HOXC5: variants seen among roughly 807,000 people sequenced by gnomAD.
HOXC5 encodes the protein homeobox C5.
HOXC5 carries 19 observed loss-of-function variants against 20.1 expected under a neutral mutation model. The observed-to-expected ratio is 0.94, with a 90% CI of 0.66 to 1.38. HOXC5 has a LOEUF of 1.38. Among genes scored for constraint, HOXC5 ranks in the 40% most tolerant of loss-of-function variants. The pLI, the probability that HOXC5 is intolerant of heterozygous loss-of-function variation, is 0.00. For synonymous variants in HOXC5, 124 were observed against 117.0 expected (o/e 1.06, Z -0.39); for missense variants, 330 against 300.1 (o/e 1.10, Z -0.74).
At chr12:54,024,668 C>A in the HOXC5 span, among the ~76,000 whole-genome samples, 3 of 152,146 alleles carry the variant, frequency 2.0e-5, no homozygotes, top group African/African-American at 4.8e-5. Context: ...CCAGTCCCAC[C>A]CACCCTTTCC....
chr12:54,035,313 T>C lies in HOXC5; in HGVS notation c.*821T>C, dbSNP rs1167006639. On this transcript the variant is annotated 3_prime_UTR_variant, in exon 2 of 2. Transcript: ENST00000312492. The stretch of plus-strand genomic sequence containing the variant: ...CAACTATTTATTGACTCTGGGTCCT[T>C]CCTGAAACTATATTTTGTCATATCA... The C allele has an allele frequency of 6.5e-6, 1 of 152,720 alleles. No individual in the cohort carries two copies. Among genetic ancestry groups the C allele is most frequent in the African/African-American group, 2.4e-5 (1 of 41,466 alleles). The allele number at this position is 152,720 out of a possible 1,614,324, so 9.5% of individuals were successfully genotyped here.
At chr12:54,030,269 C>A (rs1339275102), upstream of HOXC5, 2 of 213,624 alleles carry the variant, frequency 9.4e-6, no homozygotes, top group Non-Finnish European at 1.9e-5. Context: ...ACAGATTGCC[C>A]TCCAAGTGAG....
chr12:54,028,941 G>A, upstream of HOXC5: 2 of 1,585,840 alleles, frequency 1.3e-6, no homozygotes, highest in Non-Finnish European at 1.7e-6. Flanking sequence ...ACAGCTCCGA[G>A]ATATAAATTA....
At chr12:54,030,657 A>G (rs1199277566), upstream of HOXC5, 1 of 152,698 alleles carries the variant, frequency 6.5e-6, no homozygotes, top group African/African-American at 2.4e-5. Context: ...AGGAAAAAAA[A>G]GAGGGAAAAT....
chr12:54,034,170 C>G, intron 1 of HOXC5, 108 bp from the exon 2 acceptor site: 1 of 1,092,994 alleles, frequency 9.1e-7, no homozygotes. Context: ...TTGCGGCTCT[C>G]GCCTCCTCTC....
At chr12:54,027,042 A>C in the HOXC5 span, among the ~76,000 whole-genome samples, 1 of 151,090 alleles carries the variant, frequency 6.6e-6, no homozygotes, top group African/African-American at 2.4e-5. Flanking sequence ...AGGCATTTTC[A>C]GCCTATATCA....
At chr12:54,034,164 G>A (rs1941109454) in intron 1 of HOXC5, 114 bp from the exon 2 acceptor site, 1 of 1,035,262 alleles carries the variant, frequency 9.7e-7, no homozygotes, top group East Asian at 2.4e-5. Context: ...CCTGTCTTGC[G>A]GCTCTCGCCT....
At chr12:54,033,750 C>T (rs1941083898) in intron 1 of HOXC5, among the ~76,000 whole-genome samples, 174 bp downstream of exon 1, 1 of 152,184 alleles carries the variant, frequency 6.6e-6, no homozygotes, top group South Asian at 2.1e-4. Context: ...TTTACGACGA[C>T]ATAATTGGAT....
At chr12:54,021,991 G>C in the HOXC5 span, 1 of 152,252 alleles carries the variant, frequency 6.6e-6, no homozygotes, top group Non-Finnish European at 1.5e-5. Flanking sequence ...TCTTAAAACA[G>C]GGCAGCTGTT....
upstream of HOXC5, chr12:54,028,274 A>T (rs1020158901): frequency 9.0e-4 from 230 of 254,746 alleles, 1 homozygote; most frequent in Middle Eastern, 2.8e-3. Context: ...TATATTTTTT[A>T]AAAGAAATCC....
upstream of HOXC5, among the ~76,000 whole-genome samples, chr12:54,031,528 G>A (rs1200072109): frequency 6.6e-6 from 1 of 152,160 alleles, no homozygotes; most frequent in Non-Finnish European, 1.5e-5. Context: ...AGGCGGGTGA[G>A]GAGCGCAGCC....
chr12:54,020,634 G>A, the HOXC5 span: 1 of 152,240 alleles, frequency 6.6e-6, no homozygotes, highest in Non-Finnish European at 1.5e-5. Flanking sequence ...ATATTACCAT[G>A]CCTATATTCG....
the HOXC5 span, among the ~76,000 whole-genome samples, chr12:54,026,000 T>C: frequency 6.6e-6 from 1 of 152,074 alleles, no homozygotes; most frequent in Non-Finnish European, 1.5e-5. Flanking sequence ...TCATTGAAAG[T>C]GAAACCTCAT....
upstream of HOXC5, chr12:54,029,947 G>A (rs1291065099): frequency 1.3e-6 from 2 of 1,580,628 alleles, no homozygotes; most frequent in Non-Finnish European, 1.7e-6. Context: ...CAGAAGAGGA[G>A]AAGCAGAAAG....
chr12:54,033,597 T>C (rs1291006011), intron 1 of HOXC5, 21 bp downstream of exon 1: 1 of 1,524,588 alleles, frequency 6.6e-7, no homozygotes, highest in East Asian at 2.4e-5. Flanking sequence ...GGACTTCATT[T>C]TGCGCTCTCG....
chr12:54,033,412 G>A lies in HOXC5; in HGVS notation c.290G>A (p.Gly97Glu). ...GACGAAGCGGCTCCTCTGAACCCCG[G>A]GATGTACAGTCAGAAGGCGGCTCGC... ...GRDEAAPLNP[G>E]MYSQKAARPA... is the part of the protein sequence containing the mutation. The change falls in exon 1 of 2, where the codon GGG becomes GAG. Residue 97 changes from glycine to glutamate, a missense_variant. Physicochemically the swap from Gly to Glu is moderately conservative, Grantham distance 98. Coordinates refer to ENST00000312492, the MANE Select transcript of HOXC5 (RefSeq NM_018953.4). 6.2e-7 allele frequency: 1 copy of A among 1,610,304 alleles called. No individual in the cohort carries two copies. Among genetic ancestry groups the A allele is most frequent in the South Asian group, 1.1e-5 (1 of 90,792 alleles).
the HOXC5 span, among the ~76,000 whole-genome samples, chr12:54,027,316 A>G: frequency 2.6e-5 from 4 of 152,202 alleles, no homozygotes; most frequent in African/African-American, 9.7e-5. Context: ...CTCATAGCTC[A>G]GGTCCAGGGG....
upstream of HOXC5, among the ~76,000 whole-genome samples, chr12:54,031,507 A>G (rs528565282): frequency 2.0e-5 from 3 of 152,252 alleles, no homozygotes; most frequent in African/African-American, 7.2e-5. Context: ...TCTCTCCTCA[A>G]ACGGGTGAAG....
At chr12:54,028,575 G>A, upstream of HOXC5, 1 of 1,614,038 alleles carries the variant, frequency 6.2e-7, no homozygotes, top group East Asian at 2.2e-5. Context: ...CCGGGGGCCA[G>A]GACGTCCTCC....
Sources: allele counts gnomAD v4.1 joint callset (sites outside exome capture counted in the v4.1 genomes callset), GRCh38; gene constraint gnomAD v4.1.1; transcripts MANE v1.5; gene names NCBI Gene and HGNC (gene_info 2026-07-23, HGNC 2026-07-21).